Variants in ZNF208 observed in about 807,000 individuals in gnomAD.
The protein encoded by ZNF208 is zinc finger protein 208.
ZNF208 carries 10 observed loss-of-function variants against 12.1 expected under a neutral mutation model. That is an observed-to-expected ratio of 0.83 (90% CI 0.51 to 1.40). The LOEUF is 1.40. Among genes scored for constraint, ZNF208 ranks in the 40% most tolerant of loss-of-function variants. ZNF208 has a pLI of 0.00. For missense variants in ZNF208, 1,652 were observed against 1,485.0 expected, an observed-to-expected ratio of 1.11 and a Z score of -1.85; for synonymous variants, 497 against 488.4, an observed-to-expected ratio of 1.02 and a Z score of -0.23.
rs58939967 is a variant in ZNF208 at position 22,001,892 on chromosome 19, C to CAAAAAAAAAAAAAAAAA, written c.3+8883_3+8899dup. Among the ~76,000 whole-genome samples the CAAAAAAAAAAAAAAAAA allele has an allele frequency of 4.9e-3, 362 of 74,078 alleles. 68 individuals are homozygous for CAAAAAAAAAAAAAAAAA. The highest frequency in any genetic ancestry group is 6.7e-3 in the Non-Finnish European group (247 of 36,762). The allele number at this position is 74,078 out of a possible 152,430, so 48.6% of individuals were successfully genotyped here. A position where few individuals can be genotyped will look rare whatever the true frequency, so the allele number is the denominator to read the frequency against. On this transcript the variant is annotated intron_variant, in intron 1 of 3. Coordinates refer to ENST00000397126, the MANE Select transcript of ZNF208 (RefSeq NM_007153.3). ...TGGATGACACAGTGAGACTCCATCC[C>CAAAAAAAAAAAAAAAAA]AAAAAAAAAAAAAAAAAAAAAAAAA...
At chr19:21,947,248 T>C (rs1969828504) in intron 4 of ZNF208, among the ~76,000 whole-genome samples, 1 of 152,158 alleles carries the variant, frequency 6.6e-6, no homozygotes, top group Non-Finnish European at 1.5e-5. Flanking sequence ...TCACCCTGAG[T>C]AAATACCCTC....
chr19:21,977,338 C>T (rs945188367), intron 3 of ZNF208, among the ~76,000 whole-genome samples: 4 of 152,184 alleles, frequency 2.6e-5, no homozygotes, highest in African/African-American at 9.6e-5. Context: ...GCGATCGACA[C>T]AGAAGGTGGG....
At chr19:22,010,699 C>T in intron 1 of ZNF208, 93 bp downstream of exon 1, 2 of 1,594,304 alleles carry the variant, frequency 1.3e-6, no homozygotes, top group Non-Finnish European at 1.7e-6. Context: ...GTGGAGCTGA[C>T]TGCGGGGAGG....
chr19:21,961,942 G>C (rs1970077551), downstream of ZNF208, among the ~76,000 whole-genome samples: 1 of 152,030 alleles, frequency 6.6e-6, no homozygotes, highest in Non-Finnish European at 1.5e-5. Context: ...GTACAATACT[G>C]GTCCTGAGGT....
At chr19:21,944,683 G>T (rs567073824) in intron 4 of ZNF208, among the ~76,000 whole-genome samples, 1 of 152,168 alleles carries the variant, frequency 6.6e-6, no homozygotes, top group South Asian at 2.1e-4. Context: ...TGTTTCCCGG[G>T]CACACAGCTA....
In ZNF208 at chr19:21,968,566, AT is replaced by A. The variant is rs1180572389; in HGVS notation, c.*2624del. 2.0e-5 allele frequency: 3 copies of A among 151,992 alleles called. No individual in the cohort carries two copies. The East Asian group carries it at 5.8e-4, about 29-fold the overall frequency. 9.4% of individuals were successfully genotyped at this position (151,992 alleles called of 1,614,324 possible). ...ATTAATGTAGCAAAATAACTTTCTG[AT>A]TTGCTTTTGAATTCAGTTTGCTAGT... On this transcript the variant is annotated 3_prime_UTR_variant, in exon 4 of 4. Coordinates refer to ENST00000397126, the MANE Select transcript of ZNF208 (RefSeq NM_007153.3).
At chr19:21,941,224 AAC>A (rs1969734534) in intron 4 of ZNF208, 5 of 397,880 alleles carry the variant, frequency 1.3e-5, no homozygotes. Context: ...CAGCAAAGCA[AAC>A]ACCAGAGAAG....
chr19:22,005,303 T>C (rs1010434039), intron 1 of ZNF208, among the ~76,000 whole-genome samples: 1 of 152,116 alleles, frequency 6.6e-6, no homozygotes, highest in African/African-American at 2.4e-5. Context: ...AGGGGGTTTG[T>C]CATCAGATCT....
chr19:21,956,203 A>C (rs1969972888), intron 4 of ZNF208, among the ~76,000 whole-genome samples: 1 of 152,156 alleles, frequency 6.6e-6, no homozygotes, highest in Non-Finnish European at 1.5e-5. Flanking sequence ...TGGAAGCTTC[A>C]TCTCAGAGGG....
chr19:21,981,645 G>A (rs1432131169), intron 3 of ZNF208, among the ~76,000 whole-genome samples: 2 of 152,124 alleles, frequency 1.3e-5, no homozygotes, highest in Admixed American at 1.3e-4. Context: ...TTGAAAACTG[G>A]CACAAAACAG....
chr19:21,955,138 T>C (rs1969952140), intron 4 of ZNF208, among the ~76,000 whole-genome samples: 1 of 152,234 alleles, frequency 6.6e-6, no homozygotes, highest in South Asian at 2.1e-4. Context: ...ACCCTTTTCT[T>C]TAAGAATGTT....
At chr19:21,959,318 T>A (rs192583180) in intron 4 of ZNF208, among the ~76,000 whole-genome samples, 8 of 152,342 alleles carry the variant, frequency 5.3e-5, no homozygotes, top group South Asian at 4.1e-4. Context: ...GCTACCCATG[T>A]GAAGTGTTCT....
intron 4 of ZNF208, among the ~76,000 whole-genome samples, chr19:21,949,892 C>G (rs1969865083): frequency 6.6e-6 from 1 of 152,152 alleles, no homozygotes; most frequent in Non-Finnish European, 1.5e-5. Context: ...CTGCTGTCCT[C>G]TAATGGAAGC....
chr19:21,945,653 T>C (rs889059104), intron 4 of ZNF208, among the ~76,000 whole-genome samples: 1 of 152,236 alleles, frequency 6.6e-6, no homozygotes, highest in Non-Finnish European at 1.5e-5. Flanking sequence ...TTTAATATTT[T>C]ATTTAATAAT....
intron 3 of ZNF208, among the ~76,000 whole-genome samples, chr19:21,980,228 AAAT>A (rs1428403702): frequency 2.6e-5 from 4 of 152,170 alleles, no homozygotes; most frequent in African/African-American, 9.6e-5. Flanking sequence ...CAAGCAAACC[AAAT>A]AGACATCTAC....
In ZNF208 at chr19:21,974,282, T is replaced by A. The variant is rs1443217458; in HGVS notation, c.752A>T (p.His251Leu). The A allele has an allele frequency of 1.2e-6, 2 of 1,613,494 alleles. No homozygotes were observed. Among genetic ancestry groups the A allele is most frequent in the Non-Finnish European group, 1.7e-6 (2 of 1,179,738 alleles). ...ACATTTGTAGGATTTCTCTCCAGTA[T>A]GAATTACCTTATGTTTAGTAAGGAT... ...FSILTKHKVI[H>L]TGEKSYKCEE... The change falls in exon 4 of 4, where the codon CAT becomes CTT. Residue 251 changes from histidine (H) to leucine (L), a missense_variant. By Grantham distance (99) the His-to-Leu change is moderately conservative. This residue lies in a region of ZNF208 where 410 missense variants were observed against 378.2 expected (regional missense o/e 1.08). Coordinates refer to ENST00000397126, the MANE Select transcript of ZNF208 (RefSeq NM_007153.3).
At chr19:21,958,617 T>C (rs1970015680) in intron 4 of ZNF208, among the ~76,000 whole-genome samples, 1 of 152,192 alleles carries the variant, frequency 6.6e-6, no homozygotes, top group Non-Finnish European at 1.5e-5. Flanking sequence ...TGTCCTCTAC[T>C]AAACCAGATT....
At chr19:21,946,037 C>A (rs550810969) in intron 4 of ZNF208, among the ~76,000 whole-genome samples, 1 of 152,324 alleles carries the variant, frequency 6.6e-6, no homozygotes, top group African/African-American at 2.4e-5. Context: ...CTCTGGCTTA[C>A]TTAGATAATG....
chr19:21,962,704 C>G (rs1002732691), downstream of ZNF208, among the ~76,000 whole-genome samples: 9 of 152,084 alleles, frequency 5.9e-5, no homozygotes, highest in African/African-American at 2.2e-4. Context: ...ACAGCAACTT[C>G]TCAGAAATAA....
Sources: allele counts gnomAD v4.1 joint callset (sites outside exome capture counted in the v4.1 genomes callset), GRCh38; gene constraint gnomAD v4.1.1; regional missense constraint gnomAD v4.1.1; transcripts MANE v1.5; gene names NCBI Gene and HGNC (gene_info 2026-07-23, HGNC 2026-07-21).